XKR4: variants seen among roughly 807,000 people sequenced by gnomAD.
XKR4 encodes the protein XK-related protein 4.
Under a neutral mutation model 53.9 loss-of-function variants are expected in XKR4, and 12 were observed. The observed-to-expected ratio is 0.22, with a 90% CI of 0.14 to 0.36. XKR4 has a LOEUF of 0.36. Among genes scored for constraint, XKR4 ranks in the 10% least tolerant of loss-of-function variants. The pLI, the probability that XKR4 is intolerant of heterozygous loss-of-function variation, is 1.00. For synonymous variants in XKR4, 354 were observed against 362.4 expected, an observed-to-expected ratio of 0.98 and a Z score of 0.26; for missense variants, 799 against 859.5, an observed-to-expected ratio of 0.93 and a Z score of 0.88.
chr8:55,367,576 C>A (rs1033461698), intron 2 of XKR4, among the ~76,000 whole-genome samples: 1 of 152,052 alleles, frequency 6.6e-6, no homozygotes, highest in East Asian at 1.9e-4. Context: ...GTGCTGGGAC[C>A]AATTTATATT....
intron 1 of XKR4, among the ~76,000 whole-genome samples, chr8:55,105,038 C>T (rs568956078): frequency 6.6e-6 from 1 of 152,276 alleles, no homozygotes; most frequent in African/African-American, 2.4e-5. Context: ...TTTCAAGTTT[C>T]TAGACTTATG....
In XKR4 at chr8:55,530,602, T is replaced by G. The variant is rs530536252; in HGVS notation, c.*6375T>G. The stretch of plus-strand genomic sequence containing the variant: ...AGGTAGCTGATAATAAACCAAAAAT[T>G]TTCTCAACCCTGGTGTTTATTTTTA... On this transcript the variant is annotated 3_prime_UTR_variant, in exon 3 of 3. Coordinates refer to ENST00000327381, the MANE Select transcript of XKR4 (RefSeq NM_052898.2). 47 of 152,246 alleles carry G rather than the reference T, an allele frequency of 3.1e-4. No individual in the cohort carries two copies. Among genetic ancestry groups the G allele is most frequent in the African/African-American group, 1.0e-3 (43 of 41,544 alleles). 9.4% of individuals were successfully genotyped at this position (152,246 alleles called of 1,614,324 possible). A position where few individuals can be genotyped will look rare whatever the true frequency, so the allele number is the denominator to read the frequency against.
intron 2 of XKR4, among the ~76,000 whole-genome samples, chr8:55,504,934 G>A (rs932873764): frequency 2.6e-5 from 4 of 151,796 alleles, no homozygotes; most frequent in African/African-American, 9.7e-5. Context: ...TTTAATAATT[G>A]AGGTTCTTTT....
chr8:55,309,753 A>G (rs1819362095), intron 1 of XKR4, among the ~76,000 whole-genome samples: 1 of 152,216 alleles, frequency 6.6e-6, no homozygotes, highest in Non-Finnish European at 1.5e-5. Flanking sequence ...TTATCTCAGT[A>G]CAATTTTTAA....
chr8:55,189,212 G>T (rs1242943400), intron 1 of XKR4, among the ~76,000 whole-genome samples: 1 of 152,178 alleles, frequency 6.6e-6, no homozygotes, highest in Admixed American at 6.5e-5. Context: ...AGCATACCTT[G>T]TTATATAGTA....
At chr8:55,287,335 T>C (rs1420707640) in intron 1 of XKR4, among the ~76,000 whole-genome samples, 8 of 152,202 alleles carry the variant, frequency 5.3e-5, no homozygotes, top group Non-Finnish European at 8.8e-5. Flanking sequence ...GCTATTACAC[T>C]CAAGATCATA....
intron 2 of XKR4, among the ~76,000 whole-genome samples, chr8:55,448,635 A>G (rs1805378219): frequency 6.6e-6 from 1 of 152,200 alleles, no homozygotes; most frequent in African/African-American, 2.4e-5. Context: ...TAAGGTTATT[A>G]TAATCCTTGG....
At chr8:55,496,364 C>T (rs1049899835) in intron 2 of XKR4, among the ~76,000 whole-genome samples, 3 of 151,568 alleles carry the variant, frequency 2.0e-5, no homozygotes, top group African/African-American at 7.3e-5. Flanking sequence ...AAAGAAAACT[C>T]ATATTGTGTT....
rs998849630 is a variant in XKR4 at position 55,535,119 on chromosome 8, A to G, written c.*10892A>G. 6.6e-6 allele frequency: 1 copy of G among 152,222 alleles called. No homozygotes were observed. The highest frequency in any genetic ancestry group is 1.5e-5 in the Non-Finnish European group (1 of 68,048). The allele number at this position is 152,222 out of a possible 1,614,324, so 9.4% of individuals were successfully genotyped here. On this transcript the variant is annotated 3_prime_UTR_variant, in exon 3 of 3. Coordinates refer to ENST00000327381, the MANE Select transcript of XKR4 (RefSeq NM_052898.2). ...AATGATCTTCCCAGTTATCAGCACTAGCATCACGGCGAGTCAGTTTTCAGA... is the reference window on the plus strand; with the variant it reads ...AATGATCTTCCCAGTTATCAGCACTGGCATCACGGCGAGTCAGTTTTCAGA...
intron 1 of XKR4, among the ~76,000 whole-genome samples, chr8:55,343,100 T>C (rs1395602891): frequency 6.6e-6 from 1 of 152,162 alleles, no homozygotes; most frequent in African/African-American, 2.4e-5. Context: ...CAGAAACTTT[T>C]CTCGAGAAGG....
intron 2 of XKR4, among the ~76,000 whole-genome samples, chr8:55,456,476 T>G (rs1208757199): frequency 6.6e-6 from 1 of 151,912 alleles, no homozygotes; most frequent in Non-Finnish European, 1.5e-5. Flanking sequence ...AAAAAGAAAT[T>G]GACTCAGAGT....
chr8:55,452,905 G>A (rs1805476785), intron 2 of XKR4: 1 of 796,202 alleles, frequency 1.3e-6, no homozygotes, highest in Non-Finnish European at 2.2e-6. Context: ...TTGGTATAGT[G>A]GATGGCCTGG....
intron 2 of XKR4, among the ~76,000 whole-genome samples, chr8:55,378,091 A>G (rs1804176361): frequency 6.6e-6 from 1 of 152,230 alleles, no homozygotes; most frequent in Admixed American, 6.5e-5. Context: ...GAACAGTGTG[A>G]ATGTTGGGAA....
At chr8:55,298,883 T>G (rs1819139091) in intron 1 of XKR4, among the ~76,000 whole-genome samples, 1 of 152,198 alleles carries the variant, frequency 6.6e-6, no homozygotes, top group South Asian at 2.1e-4. Context: ...CATTTACCCT[T>G]TAATAATTCA....
At chr8:55,406,743 C>G (rs1468527986) in intron 2 of XKR4, among the ~76,000 whole-genome samples, 2 of 152,198 alleles carry the variant, frequency 1.3e-5, no homozygotes, top group South Asian at 4.1e-4. Flanking sequence ...AGGCCAATGT[C>G]TTTGGCCTTT....
At chr8:55,450,112 T>G (rs917964883) in intron 2 of XKR4, 8 of 704,064 alleles carry the variant, frequency 1.1e-5, no homozygotes, top group Non-Finnish European at 2.1e-5. Flanking sequence ...CTTCCAGCGC[T>G]TAGCGGGTCG....
At chr8:55,366,088 C>T (rs1241057067) in intron 2 of XKR4, among the ~76,000 whole-genome samples, 1 of 152,190 alleles carries the variant, frequency 6.6e-6, no homozygotes, top group Non-Finnish European at 1.5e-5. Context: ...TGGAGACAGG[C>T]GCTGTGGAGG....
intron 1 of XKR4, among the ~76,000 whole-genome samples, chr8:55,238,712 G>GT (rs1413400720): frequency 6.6e-6 from 1 of 152,164 alleles, no homozygotes; most frequent in Non-Finnish European, 1.5e-5. Flanking sequence ...GTGCAGTTCT[G>GT]TTATTAAAAG....
At chr8:55,214,942 C>CCAGGTATGTGTCTTCAT (rs1817780510) in intron 1 of XKR4, among the ~76,000 whole-genome samples, 1 of 152,080 alleles carries the variant, frequency 6.6e-6, no homozygotes, top group Non-Finnish European at 1.5e-5. Context: ...ATTATTCTTT[C>CCAGGTATGTGTCTTCAT]TCCAGGGTAT....
Sources: gnomAD v4.1 joint callset for allele counts (sites outside exome capture counted in the v4.1 genomes callset) on GRCh38, gnomAD v4.1.1 for gene constraint, MANE v1.5 for transcripts, NCBI Gene and HGNC (gene_info 2026-07-23, HGNC 2026-07-21) for gene names.